The following SULT1E1 variants were observed in gnomAD, a reference collection of about 807,000 sequenced individuals.
SULT1E1 encodes the protein sulfotransferase 1E1.
Under a neutral mutation model 33.6 loss-of-function variants are expected in SULT1E1, and 36 were observed. The ratio of observed to expected loss-of-function variants is 1.07; its 90% CI spans 0.82 to 1.41. The LOEUF is 1.41. Ranked by LOEUF, SULT1E1 falls within the 40% of genes most tolerant of loss-of-function variation. The probability of loss-of-function intolerance (pLI) is 0.00; values close to 1 mark genes in which losing one functional copy is unlikely to be tolerated. For missense variants in SULT1E1, 371 were observed against 345.7 expected (o/e 1.07, Z -0.58); for synonymous variants, 121 against 111.7 (o/e 1.08, Z -0.53).
At chr4:69,857,402 T>C (rs1721264137) in intron 2 of SULT1E1, 98 bp downstream of exon 2, 2 of 1,414,878 alleles carry the variant, frequency 1.4e-6, no homozygotes, top group Non-Finnish European at 1.9e-6. Flanking sequence ...CTGTTCTTAA[T>C]ATAGAGAATG....
chr4:69,831,480 C>G, the SULT1E1 span, among the ~76,000 whole-genome samples: 1 of 152,174 alleles, frequency 6.6e-6, no homozygotes, highest in Admixed American at 6.5e-5. Context: ...GGCCTATTGT[C>G]TCCCTATCTA....
the SULT1E1 span, among the ~76,000 whole-genome samples, chr4:69,825,077 C>A: frequency 6.6e-6 from 1 of 151,794 alleles, no homozygotes; most frequent in Non-Finnish European, 1.5e-5. Context: ...AGATGTGCCA[C>A]CTTTAAGAGC....
rs766016371 is a variant in SULT1E1, at chr4:69,849,573, T to C, written c.370-10A>G. The C allele has an allele frequency of 3.7e-5, 59 of 1,583,316 alleles. No homozygotes were observed. Among genetic ancestry groups the C allele is most frequent in the Non-Finnish European group, 5.0e-5 (58 of 1,168,534 alleles). ...GGCAAAGATAGATTATCTAAGAGGA[T>C]GAAATTGTATATTAAACCACTTAAC... On this transcript the variant is annotated splice_polypyrimidine_tract_variant and intron_variant, in intron 4 of 7. Transcript: ENST00000226444.
At chr4:69,826,345 G>C in the SULT1E1 span, among the ~76,000 whole-genome samples, 1 of 152,094 alleles carries the variant, frequency 6.6e-6, no homozygotes, top group East Asian at 1.9e-4. Context: ...CCTTTTTGTG[G>C]TCTAGGAGGA....
At chr4:69,838,448 C>T (rs1188139141), downstream of SULT1E1, 5 of 152,188 alleles carry the variant, frequency 3.3e-5, no homozygotes, top group African/African-American at 1.2e-4. Flanking sequence ...CAGAAGTTAC[C>T]TGAGATGTGG....
intron 1 of SULT1E1, among the ~76,000 whole-genome samples, chr4:69,858,284 T>A (rs1444860392): frequency 6.6e-6 from 1 of 152,120 alleles, no homozygotes; most frequent in Non-Finnish European, 1.5e-5. Flanking sequence ...TTTTCCCCAT[T>A]CGATCAATAA....
chr4:69,859,998 T>G (rs1347234832), intron 1 of SULT1E1, 51 bp downstream of exon 1: 1 of 152,082 alleles, frequency 6.6e-6, no homozygotes, highest in Non-Finnish European at 1.5e-5. Flanking sequence ...TCATTCTATA[T>G]TTTATATATC....
chr4:69,832,859 G>A, the SULT1E1 span, among the ~76,000 whole-genome samples: 1 of 152,106 alleles, frequency 6.6e-6, no homozygotes, highest in African/African-American at 2.4e-5. Context: ...AGACGGCATG[G>A]GATTCGAGGG....
the SULT1E1 span, among the ~76,000 whole-genome samples, chr4:69,825,945 C>T: frequency 6.6e-6 from 1 of 152,118 alleles, no homozygotes; most frequent in African/African-American, 2.4e-5. Context: ...AGTGTAAACT[C>T]GAGGACTCTA....
chr4:69,835,174 T>G, the SULT1E1 span, among the ~76,000 whole-genome samples: 1 of 152,208 alleles, frequency 6.6e-6, no homozygotes, highest in East Asian at 1.9e-4. Flanking sequence ...CCCAGCTGAT[T>G]GCTAACTGTC....
chr4:69,836,734 C>T (rs1720804078), downstream of SULT1E1, among the ~76,000 whole-genome samples: 1 of 152,082 alleles, frequency 6.6e-6, no homozygotes, highest in African/African-American at 2.4e-5. Context: ...ATTTTGCATA[C>T]ATGTGTTTGT....
intron 2 of SULT1E1, among the ~76,000 whole-genome samples, chr4:69,856,412 G>A (rs1192233471): frequency 6.6e-6 from 1 of 152,178 alleles, no homozygotes; most frequent in Non-Finnish European, 1.5e-5. Context: ...ACACAGTAGC[G>A]GAGGAGGGAT....
At chr4:69,830,561 G>T in the SULT1E1 span, among the ~76,000 whole-genome samples, 4 of 152,132 alleles carry the variant, frequency 2.6e-5, no homozygotes, top group African/African-American at 7.2e-5. Flanking sequence ...GCCCATGCAG[G>T]ATTGCCTCTC....
chr4:69,830,689 C>T, the SULT1E1 span, among the ~76,000 whole-genome samples: 5 of 152,204 alleles, frequency 3.3e-5, no homozygotes, highest in African/African-American at 1.2e-4. Context: ...GGAGCATTTG[C>T]TTCTAGCCAC....
chr4:69,859,695 C>T lies in SULT1E1; in HGVS notation c.-10+354G>A, dbSNP rs889960626. ...TTTGCAAGACCCCTTATCACAGGAA[C>T]ACAAAACTAAAAGTCAATCTCTATT... On this transcript the variant is annotated intron_variant, in intron 1 of 7. Coordinates refer to ENST00000226444, the MANE Select transcript of SULT1E1 (RefSeq NM_005420.3). 1.1e-4 allele frequency among the ~76,000 whole-genome samples: 16 copies of T among 152,030 alleles called. 1 individual carries two copies. Among genetic ancestry groups the T allele is most frequent in the African/African-American group, 3.1e-4 (13 of 41,434 alleles).
At chr4:69,844,135 A>G (rs757515467) in intron 7 of SULT1E1, 26 bp downstream of exon 7, 35 of 1,612,210 alleles carry the variant, frequency 2.2e-5, no homozygotes, top group Non-Finnish European at 2.6e-5. Flanking sequence ...TTCCTCTAGT[A>G]TCGAGGCAAA....
At chr4:69,832,239 CG>C in the SULT1E1 span, among the ~76,000 whole-genome samples, 1 of 152,180 alleles carries the variant, frequency 6.6e-6, no homozygotes, top group Non-Finnish European at 1.5e-5. Context: ...GCAGGAGAGC[CG>C]ATCTCCCCTT....
chr4:69,855,394 T>A lies in SULT1E1; in HGVS notation c.178A>T (p.Ile60Phe). The A allele has an allele frequency of 6.2e-7, 1 of 1,612,704 alleles. No homozygotes were observed. The highest frequency in any genetic ancestry group is 8.5e-7 in the Non-Finnish European group (1 of 1,179,276). The change falls in exon 3 of 8, where the codon ATC becomes TTC. Residue 60 changes from isoleucine (I) to phenylalanine (F), a missense_variant. Ile to Phe is a conservative substitution (Grantham distance 21). Coordinates refer to ENST00000226444, the MANE Select transcript of SULT1E1 (RefSeq NM_005420.3). ...TTWVSEIVYM[I>F]YKEGDVEKCK... Reference sequence around the variant, plus strand: ...TTTTCCACATCACCCTCTTTATAGATCATATACACAATTTCACTAACCCAG... The same window carrying A: ...TTTTCCACATCACCCTCTTTATAGAACATATACACAATTTCACTAACCCAG...
chr4:69,823,865 C>G, the SULT1E1 span, among the ~76,000 whole-genome samples: 1 of 152,048 alleles, frequency 6.6e-6, no homozygotes, highest in East Asian at 1.9e-4. Context: ...CTCAGTGGAC[C>G]CCCCCTAGAA....
Sources: gnomAD v4.1 joint callset for allele counts (sites outside exome capture counted in the v4.1 genomes callset) on GRCh38, gnomAD v4.1.1 for gene constraint, MANE v1.5 for transcripts, NCBI Gene and HGNC (gene_info 2026-07-23, HGNC 2026-07-21) for gene names.